FABP12: variants seen among roughly 807,000 people sequenced by gnomAD.
The protein encoded by FABP12 is fatty acid-binding protein 12.
In FABP12, 19 loss-of-function variants were observed where a neutral mutation model predicts 13.7. The observed-to-expected ratio is 1.39, with a 90% CI of 0.97 to 2.04. The LOEUF (loss-of-function observed/expected upper bound fraction) is 2.04, where lower values mean the gene tolerates loss of function less well. FABP12 is among the 30% of genes most tolerant of loss of function. FABP12 has a pLI of 0.00. For synonymous variants in FABP12, 61 were observed against 57.0 expected, an observed-to-expected ratio of 1.07 and a Z score of -0.32; for missense variants, 182 against 164.2, an observed-to-expected ratio of 1.11 and a Z score of -0.59.
intron 1 of FABP12, among the ~76,000 whole-genome samples, chr8:81,568,054 C>T (rs979123318): frequency 6.6e-6 from 1 of 151,116 alleles, no homozygotes; most frequent in South Asian, 2.1e-4. Context: ...ACCCGGGAAG[C>T]GGAGCTTGCA....
intron 1 of FABP12, among the ~76,000 whole-genome samples, chr8:81,551,660 A>G (rs1049828338): frequency 5.9e-5 from 9 of 152,182 alleles, no homozygotes; most frequent in Non-Finnish European, 8.8e-5. Context: ...AAACCAAAAC[A>G]AAAATTTGCA....
intron 1 of FABP12, among the ~76,000 whole-genome samples, chr8:81,569,817 G>A (rs937775553): frequency 2.6e-5 from 4 of 152,110 alleles, no homozygotes; most frequent in Non-Finnish European, 4.4e-5. Flanking sequence ...TTATTGTTAC[G>A]GGATCTTTGG....
chr8:81,579,452 ATTTC>A (rs1254118576), intron 1 of FABP12, among the ~76,000 whole-genome samples: 2 of 152,142 alleles, frequency 1.3e-5, no homozygotes, highest in Non-Finnish European at 2.9e-5. Flanking sequence ...GGACTTTTTT[ATTTC>A]TTTATTTTCC....
chr8:81,527,854 G>A (rs892270702), intron 3 of FABP12, among the ~76,000 whole-genome samples: 7 of 152,168 alleles, frequency 4.6e-5, no homozygotes, highest in African/African-American at 1.7e-4. Context: ...AGCTACTTGG[G>A]AAGTTGAGGT....
chr8:81,586,546 G>C (rs1013898282), intron 1 of FABP12, among the ~76,000 whole-genome samples: 3 of 152,158 alleles, frequency 2.0e-5, no homozygotes, highest in Non-Finnish European at 4.4e-5. Flanking sequence ...TGACTGGTGT[G>C]AGATAGTATC....
intron 1 of FABP12, among the ~76,000 whole-genome samples, chr8:81,541,554 C>T (rs970520378): frequency 6.6e-6 from 1 of 152,150 alleles, no homozygotes; most frequent in African/African-American, 2.4e-5. Flanking sequence ...GGTAACACCC[C>T]TGATGAGGCT....
chr8:81,576,019 A>T (rs994590721), intron 1 of FABP12, among the ~76,000 whole-genome samples: 1 of 152,242 alleles, frequency 6.6e-6, no homozygotes, highest in African/African-American at 2.4e-5. Flanking sequence ...GCCTTTATTT[A>T]AAAACAAAAC....
intron 1 of FABP12, among the ~76,000 whole-genome samples, chr8:81,540,552 C>A (rs573066408): frequency 2.0e-5 from 3 of 152,198 alleles, no homozygotes; most frequent in Non-Finnish European, 4.4e-5. Context: ...ACAAAATACT[C>A]TTCAAACTGT....
chr8:81,567,220 G>T (rs777024307), intron 1 of FABP12, among the ~76,000 whole-genome samples: 2 of 152,032 alleles, frequency 1.3e-5, no homozygotes, highest in Non-Finnish European at 2.9e-5. Flanking sequence ...TAAAATGCCC[G>T]TACTACTAAA....
At chr8:81,579,562 C>T (rs1035579420) in intron 1 of FABP12, among the ~76,000 whole-genome samples, 3 of 152,110 alleles carry the variant, frequency 2.0e-5, no homozygotes, top group African/African-American at 7.2e-5. Context: ...GCAATTAATT[C>T]TTGATTACTC....
intron 1 of FABP12, among the ~76,000 whole-genome samples, chr8:81,552,440 A>G (rs1285423994): frequency 6.6e-6 from 1 of 152,170 alleles, no homozygotes. Context: ...GCTGTTGAAG[A>G]GATTTACACT....
In FABP12 at chr8:81,529,420, G is replaced by A; in HGVS notation, c.246+18C>T. On this transcript the variant is annotated intron_variant, in intron 3 of 4. Coordinates refer to ENST00000360464, the Ensembl canonical transcript of FABP12. ...ACATTCTTTTGAAATGTGTCTGAAA[G>A]ACTGTCGTAGGCCTCACCTTTGTTT... 6.2e-7 allele frequency: 1 copy of A among 1,612,208 alleles called. No homozygotes were observed. Among genetic ancestry groups the A allele is most frequent in the East Asian group, 2.2e-5 (1 of 44,874 alleles).
chr8:81,535,331 G>A (rs1585838500), upstream of FABP12, among the ~76,000 whole-genome samples: 1 of 152,168 alleles, frequency 6.6e-6, no homozygotes, highest in African/African-American at 2.4e-5. Flanking sequence ...ATCTTATCAA[G>A]GGATGGAGAG....
intron 1 of FABP12, among the ~76,000 whole-genome samples, chr8:81,547,535 G>A (rs1809453925): frequency 6.6e-6 from 1 of 152,142 alleles, no homozygotes; most frequent in Non-Finnish European, 1.5e-5. Flanking sequence ...CAGAAATATA[G>A]CATAAATAAT....
At chr8:81,531,789 A>G (rs536308973) in intron 1 of FABP12, among the ~76,000 whole-genome samples, 3 of 152,342 alleles carry the variant, frequency 2.0e-5, no homozygotes, top group South Asian at 4.1e-4. Flanking sequence ...AGTTTCAACT[A>G]AACACCAGAC....
chr8:81,580,183 C>T (rs749440526), intron 1 of FABP12, among the ~76,000 whole-genome samples: 1 of 152,172 alleles, frequency 6.6e-6, no homozygotes, highest in Non-Finnish European at 1.5e-5. Context: ...ACATATCTTT[C>T]CAAGTCCCTA....
intron 1 of FABP12, among the ~76,000 whole-genome samples, chr8:81,570,559 T>C (rs763810682): frequency 2.0e-5 from 3 of 152,116 alleles, no homozygotes; most frequent in Non-Finnish European, 4.4e-5. Flanking sequence ...CAGGTCGTCC[T>C]GACAAGTTTT....
At chr8:81,537,075 A>AAC (rs10651158), upstream of FABP12, among the ~76,000 whole-genome samples, 52,889 of 151,996 alleles carry the variant, frequency 0.35, 12,372 homozygotes, top group African/African-American at 0.68. Context: ...TTTTTCATTT[A>AAC]AGATTTTTCA....
At chr8:81,546,831 T>C (rs1450192090) in intron 1 of FABP12, among the ~76,000 whole-genome samples, 2 of 152,204 alleles carry the variant, frequency 1.3e-5, no homozygotes, top group African/African-American at 4.8e-5. Context: ...TCACTGTTAC[T>C]GAATCAAATT....
Sources: gnomAD v4.1 joint callset for allele counts (sites outside exome capture counted in the v4.1 genomes callset) on GRCh38, gnomAD v4.1.1 for gene constraint, MANE v1.5 for transcripts, NCBI Gene and HGNC (gene_info 2026-07-23, HGNC 2026-07-21) for gene names.